BAZ1A: variants seen among roughly 807,000 people sequenced by gnomAD.
BAZ1A encodes the protein bromodomain adjacent to zinc finger domain protein 1A.
A neutral mutation model predicts 185.2 loss-of-function variants in BAZ1A; 50 were observed. That is an observed-to-expected ratio of 0.27 (90% confidence interval 0.22 to 0.34). BAZ1A has a LOEUF of 0.34. Ranked by LOEUF, BAZ1A falls within the 10% of genes least tolerant of loss-of-function variation. The pLI, the probability that BAZ1A is intolerant of heterozygous loss-of-function variation, is 1.00. For missense variants in BAZ1A, 1,356 were observed against 1,839.9 expected (o/e 0.74, Z 4.81); for synonymous variants, 571 against 615.6 (o/e 0.93, Z 1.07).
At chr14:34,835,367 T>C (rs763382573) in intron 3 of BAZ1A, among the ~76,000 whole-genome samples, 11 of 151,856 alleles carry the variant, frequency 7.2e-5, no homozygotes, top group Admixed American at 2.0e-4. Context: ...TGCCCAGGGA[T>C]TTAAGTAATT....
intron 18 of BAZ1A, 139 bp downstream of exon 18, chr14:34,775,780 G>T: frequency 1.5e-6 from 1 of 650,748 alleles, no homozygotes; most frequent in Non-Finnish European, 2.6e-6. Context: ...ACTCTAACTT[G>T]CAAACTAAAA....
rs777980215 is a variant in BAZ1A at position 34,862,254 on chromosome 14, C to A, written c.182G>T (p.Gly61Val). ...CTCAAGTGCTTCCTGATACGTCAGT[C>A]CAGGTCTACCCGTCACAGCACAACT... ...VWSCAVTGRP[G>V]LTYQEALESE... is the part of the protein sequence containing the mutation. Residue 61 changes from glycine (G) to valine (V), a missense_variant, in exon 3 of 27, where the codon GGA (glycine) becomes GTA (valine). This residue lies in a region of BAZ1A where 332 missense variants were observed against 395.3 expected (regional missense o/e 0.84). Transcript: ENST00000360310. 1 of 1,614,050 alleles carries A rather than the reference C, an allele frequency of 6.2e-7. No individual in the cohort carries two copies. Among genetic ancestry groups the A allele is most frequent in the Admixed American group, 1.7e-5 (1 of 59,976 alleles).
intron 6 of BAZ1A, among the ~76,000 whole-genome samples, chr14:34,804,299 C>T (rs1271188508): frequency 6.6e-6 from 1 of 152,126 alleles, no homozygotes; most frequent in Non-Finnish European, 1.5e-5. Flanking sequence ...TAAGCCACTG[C>T]GCCCAGTCTT....
In BAZ1A at chr14:34,758,839, C is replaced by T. The variant is rs150440809; in HGVS notation, c.4251G>A (p.Ser1417=). Reference sequence around the variant, plus strand: ...AACTCCTTCGACCCAGTGTCACAGGCGATGGCTCTGAGTAAATAATTACAA... The same window carrying T: ...AACTCCTTCGACCCAGTGTCACAGGTGATGGCTCTGAGTAAATAATTACAA... ...RCRKRQSPEP[S]PVTLGRRSSG... The change falls in exon 25 of 27, where the codon TCG becomes TCA. Residue 1417 remains serine (S), a synonymous_variant. Coordinates refer to ENST00000360310, the MANE Select transcript of BAZ1A (RefSeq NM_013448.3). 19 of 1,613,640 alleles carry T rather than the reference C, an allele frequency of 1.2e-5. No homozygotes were observed. The highest frequency in any genetic ancestry group is 6.7e-5 in the East Asian group (3 of 44,870).
chr14:34,837,159 A>G (rs552349685), intron 3 of BAZ1A, among the ~76,000 whole-genome samples: 3 of 152,074 alleles, frequency 2.0e-5, no homozygotes, highest in African/African-American at 4.8e-5. Flanking sequence ...TTGACCTATT[A>G]TAAGTCTAAA....
chr14:34,868,392 A>C (rs1188931955), intron 2 of BAZ1A, among the ~76,000 whole-genome samples: 1 of 152,226 alleles, frequency 6.6e-6, no homozygotes, highest in African/African-American at 2.4e-5. Flanking sequence ...ATATGAAGTC[A>C]ACCAACACTC....
At chr14:34,869,130 C>T (rs568028158) in intron 2 of BAZ1A, among the ~76,000 whole-genome samples, 2 of 151,718 alleles carry the variant, frequency 1.3e-5, no homozygotes, top group South Asian at 4.2e-4. Context: ...TGGCATGAAC[C>T]CGGGAGGCGG....
intron 12 of BAZ1A, 64 bp downstream of exon 12, chr14:34,792,711 C>T: frequency 6.4e-7 from 1 of 1,559,412 alleles, no homozygotes; most frequent in African/African-American, 1.4e-5. Context: ...TAAAATTGGC[C>T]CTCAAAAATT....
intron 21 of BAZ1A, among the ~76,000 whole-genome samples, chr14:34,767,028 G>C (rs989147869): frequency 6.6e-6 from 1 of 152,246 alleles, no homozygotes; most frequent in African/African-American, 2.4e-5. Flanking sequence ...CAAAAACACA[G>C]TGGATGGGTC....
intron 2 of BAZ1A, among the ~76,000 whole-genome samples, chr14:34,869,493 T>C (rs575587109): frequency 1.3e-5 from 2 of 151,870 alleles, no homozygotes; most frequent in South Asian, 4.2e-4. Context: ...AGGGCAAGTG[T>C]AGGAAACAAC....
chr14:34,826,159 G>A lies in BAZ1A; in HGVS notation c.393-3C>T. On this transcript the variant is annotated splice_region_variant and splice_polypyrimidine_tract_variant and intron_variant, in intron 3 of 26. Coordinates refer to ENST00000360310, the MANE Select transcript of BAZ1A (RefSeq NM_013448.3). Reference sequence around the variant, plus strand: ...CTTCCAAAATCCTACACTGCAACCTGAAATAAAATGATACATTTAAAAATG... The same window carrying A: ...CTTCCAAAATCCTACACTGCAACCTAAAATAAAATGATACATTTAAAAATG... 1.2e-6 allele frequency: 2 copies of A among 1,604,840 alleles called. No homozygotes were observed. Among genetic ancestry groups the A allele is most frequent in the Non-Finnish European group, 1.7e-6 (2 of 1,177,508 alleles).
At position 34,837,052 on chromosome 14, in the gene BAZ1A, C is replaced by G. The variant is rs190057866; in HGVS notation, c.393-10896G>C. Among the ~76,000 whole-genome samples, 36 of 151,822 alleles carry G rather than the reference C, an allele frequency of 2.4e-4. 2 individuals are homozygous for G. Among genetic ancestry groups the G allele is most frequent in the African/African-American group, 8.5e-4 (35 of 41,212 alleles). Reference sequence around the variant, plus strand: ...CCTCCCAAAGTGCTGGGATTACAGGCATGAGCAACCATGCCTGGCCTAAAA... The same window carrying G: ...CCTCCCAAAGTGCTGGGATTACAGGGATGAGCAACCATGCCTGGCCTAAAA... On this transcript the variant is annotated intron_variant, in intron 3 of 26. Transcript: ENST00000360310.
chr14:34,781,274 A>C (rs1292587837), intron 16 of BAZ1A, among the ~76,000 whole-genome samples: 1 of 152,246 alleles, frequency 6.6e-6, no homozygotes, highest in Non-Finnish European at 1.5e-5. Context: ...CTTACATACC[A>C]TAACAATCAC....
intron 21 of BAZ1A, among the ~76,000 whole-genome samples, chr14:34,766,805 TGA>T (rs1287674136): frequency 3.3e-5 from 5 of 152,210 alleles, no homozygotes; most frequent in African/African-American, 2.4e-5. Context: ...ATCTGAGGAA[TGA>T]GAGTTAATCA....
At chr14:34,833,560 A>G (rs1318632843) in intron 3 of BAZ1A, among the ~76,000 whole-genome samples, 1 of 152,154 alleles carries the variant, frequency 6.6e-6, no homozygotes, top group Non-Finnish European at 1.5e-5. Flanking sequence ...AGCAAACAAA[A>G]AAGAAAACAT....
At chr14:34,762,488 T>TA (rs1324645836) in intron 23 of BAZ1A, among the ~76,000 whole-genome samples, 1 of 151,926 alleles carries the variant, frequency 6.6e-6, no homozygotes, top group Admixed American at 6.6e-5. Context: ...TTCTTTATTT[T>TA]TTTTTTTTGA....
chr14:34,759,642 G>T (rs1886438487), intron 24 of BAZ1A, among the ~76,000 whole-genome samples: 1 of 151,146 alleles, frequency 6.6e-6, no homozygotes, highest in African/African-American at 2.4e-5. Flanking sequence ...CACTGGTAAA[G>T]TAAAAGATTA....
chr14:34,784,813 T>C (rs1372417270), intron 14 of BAZ1A, among the ~76,000 whole-genome samples: 3 of 150,260 alleles, frequency 2.0e-5, no homozygotes, highest in African/African-American at 4.9e-5. Context: ...CCACCGCGCC[T>C]GGCCAAAAAA....
chr14:34,753,472 T>C lies in BAZ1A; in HGVS notation c.*36A>G, dbSNP rs1209711138. Reference sequence around the variant, plus strand: ...TAATGTTCCATTTTCATGAACAATTTGTTTTTCTTCAAATATATCCTTTAG... The same window carrying C: ...TAATGTTCCATTTTCATGAACAATTCGTTTTTCTTCAAATATATCCTTTAG... On this transcript the variant is annotated 3_prime_UTR_variant, in exon 27 of 27. Coordinates refer to ENST00000360310, the MANE Select transcript of BAZ1A (RefSeq NM_013448.3). 7.5e-6 allele frequency: 12 copies of C among 1,604,210 alleles called. No individual in the cohort carries two copies. The Admixed American group carries it at 1.3e-4, about 18-fold the overall frequency.
Sources: gnomAD v4.1 joint callset for allele counts (sites outside exome capture counted in the v4.1 genomes callset) on GRCh38, gnomAD v4.1.1 for gene constraint, gnomAD v4.1.1 regional missense constraint, MANE v1.5 for transcripts, NCBI Gene and HGNC (gene_info 2026-07-23, HGNC 2026-07-21) for gene names.